CDH18: variants seen among roughly 807,000 people sequenced by gnomAD.
CDH18 encodes cadherin 18.
CDH18 carries 31 observed loss-of-function variants against 67.9 expected under a neutral mutation model. The ratio of observed to expected loss-of-function variants is 0.46; its 90% CI spans 0.34 to 0.62. The LOEUF (loss-of-function observed/expected upper bound fraction) is 0.62. Ranked by LOEUF, CDH18 falls within the 20% of genes least tolerant of loss-of-function variation. CDH18 has a pLI of 0.01. For synonymous variants in CDH18, 362 were observed against 347.2 expected (o/e 1.04, Z -0.48); for missense variants, 890 against 975.5 (o/e 0.91, Z 1.17).
At chr5:20,067,559 A>C (rs1743088028) in intron 2 of CDH18, among the ~76,000 whole-genome samples, 1 of 152,022 alleles carries the variant, frequency 6.6e-6, no homozygotes, top group Non-Finnish European at 1.5e-5. Context: ...GCTCTCACCC[A>C]AATAAAGTTG....
intron 3 of CDH18, among the ~76,000 whole-genome samples, chr5:19,803,414 A>G (rs1345338737): frequency 2.0e-5 from 3 of 152,214 alleles, no homozygotes; most frequent in South Asian, 4.1e-4. Context: ...ATTTAAATTT[A>G]AAGTAATGAA....
chr5:19,963,595 C>A (rs1369830155), intron 2 of CDH18, among the ~76,000 whole-genome samples: 2 of 152,020 alleles, frequency 1.3e-5, no homozygotes, highest in Non-Finnish European at 2.9e-5. Flanking sequence ...CTCTCTCCTG[C>A]TATCATGTGA....
At chr5:20,322,288 AATTATT>A (rs1196990369) in intron 1 of CDH18, among the ~76,000 whole-genome samples, 2 of 152,112 alleles carry the variant, frequency 1.3e-5, no homozygotes, top group Non-Finnish European at 2.9e-5. Flanking sequence ...TAATGATATT[AATTATT>A]ATTATAACTA....
At chr5:20,380,319 C>G (rs1265325757) in intron 1 of CDH18, among the ~76,000 whole-genome samples, 2 of 152,130 alleles carry the variant, frequency 1.3e-5, no homozygotes, top group African/African-American at 2.4e-5. Context: ...CTTCATTTCT[C>G]TCATTTATGA....
intron 1 of CDH18, among the ~76,000 whole-genome samples, chr5:20,566,089 G>A (rs961880339): frequency 6.6e-6 from 1 of 152,046 alleles, no homozygotes; most frequent in African/African-American, 2.4e-5. Flanking sequence ...AGATAAGGCT[G>A]AGCACTGACT....
intron 2 of CDH18, among the ~76,000 whole-genome samples, chr5:20,146,765 C>A (rs907206629): frequency 5.3e-5 from 8 of 151,912 alleles, no homozygotes; most frequent in African/African-American, 1.9e-4. Context: ...TATTAACTGA[C>A]AATACCATAT....
chr5:19,983,980 C>A (rs1246893399), intron 1 of CDH18, among the ~76,000 whole-genome samples: 2 of 152,106 alleles, frequency 1.3e-5, no homozygotes, highest in African/African-American at 4.8e-5. Flanking sequence ...AATGAGTGAC[C>A]TGTAAACAAA....
chr5:19,987,781 A>G (rs1470441219), intron 1 of CDH18, among the ~76,000 whole-genome samples: 2 of 152,172 alleles, frequency 1.3e-5, no homozygotes. Context: ...TATTCTTCCA[A>G]CTTCTTCAGG....
chr5:19,651,681 C>T (rs1755605173), intron 5 of CDH18, among the ~76,000 whole-genome samples: 1 of 152,080 alleles, frequency 6.6e-6, no homozygotes, highest in Non-Finnish European at 1.5e-5. Context: ...TGAGAACACT[C>T]AGAAACTAAG....
intron 2 of CDH18, among the ~76,000 whole-genome samples, chr5:20,003,814 C>A (rs544744823): frequency 6.6e-6 from 1 of 152,258 alleles, no homozygotes; most frequent in Admixed American, 6.5e-5. Flanking sequence ...AGGAGAATGG[C>A]GTGAGCCCGG....
chr5:19,732,144 G>T (rs1261825749), intron 4 of CDH18, among the ~76,000 whole-genome samples: 1 of 150,964 alleles, frequency 6.6e-6, no homozygotes, highest in African/African-American at 2.4e-5. Context: ...AAGGCCTAGT[G>T]CCTTCCCATA....
chr5:19,828,953 G>A (rs1044086625), intron 3 of CDH18, among the ~76,000 whole-genome samples: 2 of 152,114 alleles, frequency 1.3e-5, no homozygotes, highest in Admixed American at 6.5e-5. Context: ...CAGAAGAATC[G>A]CTTGAACCCA....
At chr5:20,095,821 C>T (rs1745944361) in intron 2 of CDH18, among the ~76,000 whole-genome samples, 1 of 149,960 alleles carries the variant, frequency 6.7e-6, no homozygotes, top group Non-Finnish European at 1.5e-5. Context: ...GACCAGAAAA[C>T]AGAAATCTAT....
At chr5:20,229,774 A>ATAC in intron 2 of CDH18, among the ~76,000 whole-genome samples, 1 of 151,154 alleles carries the variant, frequency 6.6e-6, no homozygotes, top group East Asian at 2.0e-4. Flanking sequence ...ATATTTTTGT[A>ATAC]TGGTTGTAAT....
chr5:20,453,227 G>C (rs1750595406), intron 1 of CDH18, among the ~76,000 whole-genome samples: 1 of 152,156 alleles, frequency 6.6e-6, no homozygotes, highest in African/African-American at 2.4e-5. Flanking sequence ...GACTCAAGTA[G>C]TGTTGCCTTT....
intron 2 of CDH18, among the ~76,000 whole-genome samples, chr5:19,915,561 T>C (rs930396003): frequency 3.9e-5 from 6 of 152,132 alleles, no homozygotes; most frequent in Non-Finnish European, 7.4e-5. Context: ...TTTTTGAATG[T>C]TATATATTTC....
intron 1 of CDH18, among the ~76,000 whole-genome samples, chr5:20,503,475 T>C (rs192200514): frequency 6.6e-6 from 1 of 152,094 alleles, no homozygotes; most frequent in Non-Finnish European, 1.5e-5. Flanking sequence ...AATCATTGAG[T>C]TGATATCATT....
intron 1 of CDH18, among the ~76,000 whole-genome samples, chr5:20,306,459 A>G (rs11749332): frequency 0.42 from 64,369 of 151,978 alleles, 15,775 homozygotes; most frequent in Middle Eastern, 0.62. Flanking sequence ...TTGTCTCCGT[A>G]ATCTACCATC....
chr5:20,144,201 C>T (rs1373198030), intron 2 of CDH18, among the ~76,000 whole-genome samples: 1 of 151,668 alleles, frequency 6.6e-6, no homozygotes, highest in Non-Finnish European at 1.5e-5. Flanking sequence ...CTTCCACGGA[C>T]AGCCTGGGAA....
Sources: gnomAD v4.1 joint callset for allele counts (sites outside exome capture counted in the v4.1 genomes callset) on GRCh38, gnomAD v4.1.1 for gene constraint, MANE v1.5 for transcripts, NCBI Gene and HGNC (gene_info 2026-07-23, HGNC 2026-07-21) for gene names.